VWA5B1: variants seen among roughly 807,000 people sequenced by gnomAD.
VWA5B1 encodes von Willebrand factor A domain containing 5B1, also known as von Willebrand factor A domain-containing protein 5B1.
In VWA5B1, 115 loss-of-function variants were observed where a neutral mutation model predicts 118.2. The ratio of observed to expected loss-of-function variants is 0.97; its 90% confidence interval spans 0.84 to 1.14. The LOEUF is 1.14. Ranked by LOEUF, VWA5B1 falls within the 50% of genes most tolerant of loss-of-function variation. The probability of loss-of-function intolerance (pLI) is 0.00; values close to 1 mark genes in which losing one functional copy is unlikely to be tolerated. For synonymous variants in VWA5B1, 682 were observed against 658.4 expected (o/e 1.04, Z -0.55); for missense variants, 1,596 against 1,603.8 (o/e 1.00, Z 0.08).
rs987198831 is a variant in VWA5B1 at position 20,330,924 on chromosome 1, G to A, written c.1513G>A (p.Ala505Thr). The A allele has an allele frequency of 6.4e-7, 1 of 1,551,726 alleles. No homozygotes were observed. Residue 505 changes from alanine to threonine, a missense_variant, in exon 11 of 22, where the codon GCA becomes ACA. Physicochemically the swap from Ala to Thr is moderately conservative, Grantham distance 58 (BLOSUM62 0). Transcript: ENST00000289815. ...NVCHRLVKGL[A>T]SVSEGSAELL... ...CTGCCACAGACTGGTGAAAGGACTG[G>A]CATCTGTGTCCGAGGGCAGTGCTGA...
At chr1:20,336,930 A>T (rs1199264012) in intron 13 of VWA5B1, among the ~76,000 whole-genome samples, 2 of 152,130 alleles carry the variant, frequency 1.3e-5, no homozygotes, top group Non-Finnish European at 2.9e-5. Context: ...AACTATGGGA[A>T]TCCCAGGAGA....
At position 20,314,221 on chromosome 1, in the gene VWA5B1, T is replaced by C. The variant is rs144496196; in HGVS notation, c.293-101T>C. 5.0e-4 allele frequency: 638 copies of C among 1,265,686 alleles called. 6 individuals carry two copies. In the East Asian group the frequency reaches 0.015, roughly 30 times the overall value. The allele number at this position is 1,265,686 out of a possible 1,614,324, so 78.4% of individuals were successfully genotyped here. A position where few individuals can be genotyped will look rare whatever the true frequency, so the allele number is the denominator to read the frequency against. On this transcript the variant is annotated intron_variant, in intron 3 of 21. Coordinates refer to ENST00000289815, the MANE Select transcript of VWA5B1 (RefSeq NM_001039500.3). ...ACACCCTCAAGCTGAGCCTTGATTT[T>C]CCCATCAGCAAAATGGGCCACTCAC...
intron 8 of VWA5B1, 139 bp from the exon 9 acceptor site, chr1:20,327,751 G>A (rs945286643): frequency 4.1e-6 from 3 of 724,820 alleles, no homozygotes. Context: ...GAGGGAAAAG[G>A]AGTTGCTGGG....
Position 20,323,381 on chromosome 1 carries a change from A to G in VWA5B1, c.992A>G (p.His331Arg), listed in dbSNP as rs2089280682. 2.0e-6 allele frequency: 3 copies of G among 1,510,238 alleles called. No homozygotes were observed. Among genetic ancestry groups the G allele is most frequent in the Middle Eastern group, 3.4e-4 (2 of 5,836 alleles). 93.6% of individuals were successfully genotyped at this position (1,510,238 alleles called of 1,614,324 possible). A position where few individuals can be genotyped will look rare whatever the true frequency, so the allele number is the denominator to read the frequency against. ...ACAGAAATCATTCGAAAACGCCTCC[A>G]CAAAGACATTCCCCACCACTCCGTC... ...RKTEIIRKRL[H>R]KDIPHHSVIM... The change falls in exon 8 of 22, where the codon CAC becomes CGC. Residue 331 changes from histidine to arginine, a missense_variant. Transcript: ENST00000289815.
chr1:20,354,044 G>A lies in VWA5B1; in HGVS notation c.3429G>A (p.Val1143=). 6.4e-7 allele frequency: 1 copy of A among 1,551,692 alleles called. No individual in the cohort carries two copies. Among genetic ancestry groups the A allele is most frequent in the Non-Finnish European group, 8.7e-7 (1 of 1,147,016 alleles). Residue 1143 remains valine, a synonymous_variant, in exon 22 of 22, where the codon GTG becomes GTA. Transcript: ENST00000289815. ...VEHTGKLWAT[V]VGLAWLEHSS... ...ACACTGGGAAGCTGTGGGCCACGGT[G>A]GTGGGGCTGGCATGGCTGGAGCACA...
intron 7 of VWA5B1, 46 bp from the exon 8 acceptor site, chr1:20,323,310 C>G: frequency 1.8e-5 from 25 of 1,396,650 alleles, no homozygotes; most frequent in Non-Finnish European, 2.3e-5. Context: ...CCCAGGAGTA[C>G]CTCTTGACCC....
chr1:20,316,906 A>G (rs2089026494), intron 4 of VWA5B1, among the ~76,000 whole-genome samples: 1 of 152,024 alleles, frequency 6.6e-6, no homozygotes, highest in Non-Finnish European at 1.5e-5. Flanking sequence ...CCAAATCTTA[A>G]TAGTGGGAAT....
At chr1:20,304,228 T>A (rs1375692272) in intron 1 of VWA5B1, among the ~76,000 whole-genome samples, 1 of 152,082 alleles carries the variant, frequency 6.6e-6, no homozygotes, top group Non-Finnish European at 1.5e-5. Flanking sequence ...GCCCAAAGGC[T>A]ATGCAAGCCC....
At chr1:20,337,578 G>C in intron 13 of VWA5B1, 68 bp from the exon 14 acceptor site, 1 of 1,464,068 alleles carries the variant, frequency 6.8e-7, no homozygotes, top group Non-Finnish European at 9.2e-7. Context: ...AAACAGGAAA[G>C]GGGATGCAAG....
In VWA5B1 at chr1:20,343,237, C is replaced by T. The variant is rs1421995269; in HGVS notation, c.2470C>T (p.Gln824Ter). ...VKGLHDSQRLQWEVSFELGTP... is the reference protein window; with the variant it reads ...VKGLHDSQRL The stretch of plus-strand genomic sequence containing the variant: ...AGGCCTGCACGACAGCCAACGCCTG[C>T]AGTGGGAGGTGAGCTTCGAGCTGGG... The change falls in exon 16 of 22, where the codon CAG becomes TAG. Residue 824 changes from glutamine (Q) to a stop codon, truncating the protein, a stop_gained. Transcript: ENST00000289815. LOFTEE classifies it high-confidence loss of function. The T allele has an allele frequency of 6.5e-7, 1 of 1,549,380 alleles. No individual in the cohort carries two copies. The highest frequency in any genetic ancestry group is 2.4e-5 in the East Asian group (1 of 40,888).
chr1:20,348,321 G>A lies in VWA5B1; in HGVS notation c.2841G>A (p.Pro947=), dbSNP rs1160345234. Residue 947 remains proline, a synonymous_variant, in exon 18 of 22, where the codon CCG becomes CCA. Transcript: ENST00000289815. ...WRGTSSGFGR[P]QTMLGEDSAP... ...GCACCTCTTCTGGCTTTGGAAGGCCGCAGACGATGCTTGGAGAAGATTCGG... is the reference window on the plus strand; with the variant it reads ...GCACCTCTTCTGGCTTTGGAAGGCCACAGACGATGCTTGGAGAAGATTCGG... 23 of 1,551,470 alleles carry A rather than the reference G, an allele frequency of 1.5e-5. No individual in the cohort carries two copies. Among genetic ancestry groups the A allele is most frequent in the Admixed American group, 2.0e-5 (1 of 50,984 alleles).
At chr1:20,350,982 G>T in intron 20 of VWA5B1, 56 bp downstream of exon 20, 1 of 1,518,426 alleles carries the variant, frequency 6.6e-7, no homozygotes. Flanking sequence ...TCCTGGGGTG[G>T]TCCCTGGGGT....
rs776993485 is a variant in VWA5B1 at position 20,310,689 on chromosome 1, G to A, written c.88G>A (p.Gly30Ser). 5.8e-6 allele frequency: 9 copies of A among 1,550,990 alleles called. No homozygotes were observed. In the South Asian group the frequency reaches 1.1e-4, roughly 18 times the overall value. The change falls in exon 2 of 22, where the codon GGC (glycine) becomes AGC (serine). Residue 30 changes from glycine to serine, a missense_variant. Coordinates refer to ENST00000289815, the MANE Select transcript of VWA5B1 (RefSeq NM_001039500.3). ...CTCCTGTGTCAGCGGTTATGCCCTG[G>A]GCCTAACTGCCTCCCTCACCTATGG... ...VTSCVSGYAL[G>S]LTASLTYGNL...
In VWA5B1 at chr1:20,358,528, C is replaced by A. The variant is rs181065205; in HGVS notation, c.*4265C>A. Among the ~76,000 whole-genome samples, 209 of 152,246 alleles carry A rather than the reference C, an allele frequency of 1.4e-3. 4 individuals are homozygous for A. The highest frequency in any genetic ancestry group is 0.011 in the Admixed American group (162 of 15,300). ...TTGCCTGCCCCATTGACCTGCCTGG[C>A]TGGATCCTGTGTGACACCCCAGCAC... On this transcript the variant is annotated 3_prime_UTR_variant, in exon 22 of 22. Coordinates refer to ENST00000289815, the MANE Select transcript of VWA5B1 (RefSeq NM_001039500.3).
In VWA5B1 at chr1:20,341,736, T is replaced by G. The variant is rs1351375453; in HGVS notation, c.2134-696T>G. Among the ~76,000 whole-genome samples, 4 of 152,208 alleles carry G rather than the reference T, an allele frequency of 2.6e-5. No homozygotes were observed. In the East Asian group the frequency reaches 7.7e-4, roughly 29 times the overall value. ...TCCATTTATCCCTTGCCTTTTGATGTCTGTTTGTACCAGCACAAGAATAGA... is the reference window on the plus strand; with the variant it reads ...TCCATTTATCCCTTGCCTTTTGATGGCTGTTTGTACCAGCACAAGAATAGA... On this transcript the variant is annotated intron_variant, in intron 14 of 21. Coordinates refer to ENST00000289815, the MANE Select transcript of VWA5B1 (RefSeq NM_001039500.3).
intron 8 of VWA5B1, among the ~76,000 whole-genome samples, chr1:20,325,409 G>A (rs557297502): frequency 3.2e-4 from 49 of 152,296 alleles, no homozygotes; most frequent in Middle Eastern, 3.4e-3. Context: ...CAGAGTGAAC[G>A]TATGTCATAT....
intron 7 of VWA5B1, among the ~76,000 whole-genome samples, chr1:20,320,231 G>T (rs561831252): frequency 6.6e-6 from 1 of 152,334 alleles, no homozygotes; most frequent in South Asian, 2.1e-4. Context: ...CAGTAAGCTG[G>T]AGGAAGGGAA....
At chr1:20,318,774 T>TG in intron 6 of VWA5B1, 53 bp downstream of exon 6, 9 of 1,441,738 alleles carry the variant, frequency 6.2e-6, no homozygotes, top group Non-Finnish European at 7.3e-6. Context: ...GAGGAGGTGC[T>TG]GATCCTGTGG....
chr1:20,336,583 C>T, intron 13 of VWA5B1, 97 bp downstream of exon 13: 1 of 1,248,304 alleles, frequency 8.0e-7, no homozygotes, highest in Non-Finnish European at 1.0e-6. Context: ...TTAGCAGCTG[C>T]AGAGGTGGGT....
Sources: gnomAD v4.1 joint callset for allele counts (sites outside exome capture counted in the v4.1 genomes callset) on GRCh38, gnomAD v4.1.1 for gene constraint, MANE v1.5 for transcripts, NCBI Gene and HGNC (gene_info 2026-07-23, HGNC 2026-07-21) for gene names.